The following CHD1 variants were observed in gnomAD, a reference collection of about 807,000 sequenced individuals.
CHD1 encodes the protein chromodomain helicase DNA binding protein 1.
Under a neutral mutation model 224.2 loss-of-function variants are expected in CHD1, and 36 were observed. That is an observed-to-expected ratio of 0.16 (90% CI 0.12 to 0.21). The LOEUF (loss-of-function observed/expected upper bound fraction) is 0.21, where lower values mean the gene tolerates loss of function less well. CHD1 is among the 10% of genes least tolerant of loss of function. CHD1 has a pLI of 1.00. For synonymous variants in CHD1, 668 were observed against 658.3 expected (o/e 1.01, Z -0.23); for missense variants, 1,378 against 1,994.8 (o/e 0.69, Z 5.89).
intron 13 of CHD1, 66 bp downstream of exon 13, chr5:98,894,531 C>T: frequency 1.8e-6 from 1 of 542,162 alleles, no homozygotes; most frequent in Non-Finnish European, 3.3e-6. Flanking sequence ...TCATCTTGTC[C>T]ACAGCATATG....
In CHD1 at chr5:98,883,134, T is replaced by TC; in HGVS notation, c.2671dup (p.Asp891GlyfsTer7). On this transcript the variant is annotated frameshift_variant, in exon 19 of 36. Transcript: ENST00000614616. LOFTEE classifies it high-confidence loss of function. ...ATGGGCTCTAGCCTGTGCCTGAAGA[T>TC]CATTCTGTGGATTCCAATCGGAATC... The TC allele has an allele frequency of 6.2e-7, 1 of 1,601,960 alleles. No homozygotes were observed. The highest frequency in any genetic ancestry group is 8.5e-7 in the Non-Finnish European group (1 of 1,175,704).
At chr5:98,890,118 A>G (rs796236165) in intron 15 of CHD1, among the ~76,000 whole-genome samples, 29 of 152,314 alleles carry the variant, frequency 1.9e-4, no homozygotes, top group African/African-American at 5.5e-4. Context: ...CCTGGATGCA[A>G]TATTACCCAT....
Position 98,863,394 on chromosome 5 carries a change from A to G in CHD1, c.4427+14T>C. ...AATATAAATTTAACACTTCCTGAAA[A>G]GTGTATCACTTACTTTCTCCATTGC... On this transcript the variant is annotated intron_variant, in intron 32 of 35. Coordinates refer to ENST00000614616, the MANE Select transcript of CHD1 (RefSeq NM_001270.4). 6.9e-7 allele frequency: 1 copy of G among 1,443,088 alleles called. No homozygotes were observed. The highest frequency in any genetic ancestry group is 9.3e-7 in the Non-Finnish European group (1 of 1,079,562). 89.4% of individuals were successfully genotyped at this position (1,443,088 alleles called of 1,614,324 possible).
intron 23 of CHD1, among the ~76,000 whole-genome samples, chr5:98,878,153 T>C (rs1040187661): frequency 1.3e-5 from 2 of 152,210 alleles, no homozygotes; most frequent in African/African-American, 2.4e-5. Context: ...TCGGAGGACC[T>C]GCACCCACTC....
chr5:98,877,418 AGATT>A (rs1397277270), intron 23 of CHD1, among the ~76,000 whole-genome samples: 3 of 152,240 alleles, frequency 2.0e-5, no homozygotes, highest in African/African-American at 4.8e-5. Flanking sequence ...CTGGATGAAC[AGATT>A]GATTAGCTGT....
chr5:98,866,885 T>C (rs997947600), intron 31 of CHD1, among the ~76,000 whole-genome samples: 11 of 152,154 alleles, frequency 7.2e-5, no homozygotes, highest in African/African-American at 2.7e-4. Flanking sequence ...TTCTTCCTGG[T>C]TTTGCTCTGC....
chr5:98,876,327 A>T, intron 24 of CHD1, 71 bp downstream of exon 24: 1 of 1,457,194 alleles, frequency 6.9e-7, no homozygotes, highest in Non-Finnish European at 9.4e-7. Flanking sequence ...TTTGAAAATT[A>T]CGGCGTTTTT....
At chr5:98,869,642 A>G in intron 30 of CHD1, 112 bp downstream of exon 30, 2 of 1,145,894 alleles carry the variant, frequency 1.7e-6, no homozygotes, top group Non-Finnish European at 2.6e-6. Flanking sequence ...ACACACACAC[A>G]CACACACACA....
In CHD1 at chr5:98,871,942, A is replaced by G; in HGVS notation, c.3861+109T>C. On this transcript the variant is annotated intron_variant, in intron 28 of 35. Transcript: ENST00000614616. ...ACGCACCAAGGTCACACAACCAGCT[A>G]GTGCCTTGGTTTCCAGATTTCCATT... 4.3e-6 allele frequency: 4 copies of G among 924,168 alleles called. No individual in the cohort carries two copies. The South Asian group carries it at 7.8e-5, about 18-fold the overall frequency. The allele number at this position is 924,168 out of a possible 1,614,324, so 57.2% of individuals were successfully genotyped here.
At chr5:98,926,885 G>A (rs1167684152) in intron 1 of CHD1, among the ~76,000 whole-genome samples, 2 of 124,504 alleles carry the variant, frequency 1.6e-5, no homozygotes, top group African/African-American at 6.1e-5. Context: ...AGATAACGGA[G>A]TCTTATTAGA....
intron 17 of CHD1, chr5:98,886,194 A>G (rs552164516): frequency 2.0e-5 from 3 of 152,396 alleles, no homozygotes; most frequent in African/African-American, 7.2e-5. Context: ...CATCCAGTTA[A>G]TTCTGATGCA....
chr5:98,905,012 G>T lies in CHD1; in HGVS notation c.140C>A (p.Ser47Ter). ...GSSSDGSSSQ[S>*]GSSDSDSGSE... ...TCCGGAGTCAGAGTCACTGCTACCT[G>T]ACTGGCTACTGCTTCCATCACTACT... is the stretch of plus-strand genomic sequence containing the variant. The change falls in exon 3 of 36, where the codon TCA (serine) becomes TAA (stop). Residue 47 changes from serine to a stop codon, truncating the protein, a stop_gained. Transcript: ENST00000614616. LOFTEE classifies it high-confidence loss of function. 2 of 1,570,194 alleles carry T rather than the reference G, an allele frequency of 1.3e-6. No individual in the cohort carries two copies. The highest frequency in any genetic ancestry group is 1.8e-6 in the Non-Finnish European group (2 of 1,139,916).
chr5:98,859,254 G>A (rs904621648), intron 33 of CHD1, among the ~76,000 whole-genome samples: 3 of 152,136 alleles, frequency 2.0e-5, no homozygotes, highest in Non-Finnish European at 2.9e-5. Flanking sequence ...CAGAAAGGTT[G>A]CAAAAATACT....
rs1748626728 is a variant in CHD1, at chr5:98,863,400, T to A, written c.4427+8A>T. 6.8e-7 allele frequency: 1 copy of A among 1,479,886 alleles called. No homozygotes were observed. Among genetic ancestry groups the A allele is most frequent in the Non-Finnish European group, 9.1e-7 (1 of 1,101,624 alleles). The allele number at this position is 1,479,886 out of a possible 1,614,324, so 91.7% of individuals were successfully genotyped here. On this transcript the variant is annotated splice_region_variant and intron_variant, in intron 32 of 35. Coordinates refer to ENST00000614616, the MANE Select transcript of CHD1 (RefSeq NM_001270.4). ...AATTTAACACTTCCTGAAAAGTGTATCACTTACTTTCTCCATTGCTTAATT... is the reference window on the plus strand; with the variant it reads ...AATTTAACACTTCCTGAAAAGTGTAACACTTACTTTCTCCATTGCTTAATT...
chr5:98,918,634 G>A (rs1366551883), intron 2 of CHD1, among the ~76,000 whole-genome samples: 1 of 151,094 alleles, frequency 6.6e-6, no homozygotes, highest in Non-Finnish European at 1.5e-5. Flanking sequence ...TGGGCATGGT[G>A]ACGCGTGCCT....
At chr5:98,904,014 T>TA (rs1211085512) in intron 3 of CHD1, 106 bp from the exon 4 acceptor site, 1 of 658,982 alleles carries the variant, frequency 1.5e-6, no homozygotes, top group Non-Finnish European at 2.6e-6. Flanking sequence ...CTCAAAGTAA[T>TA]AAAGACTATA....
chr5:98,858,838 C>A (rs1748243316), intron 34 of CHD1, 126 bp downstream of exon 34: 3 of 530,796 alleles, frequency 5.7e-6, no homozygotes, highest in East Asian at 6.6e-5. Context: ...ACTGTATCTC[C>A]TTAATATAAA....
At chr5:98,887,111 T>C (rs1750700741) in intron 17 of CHD1, among the ~76,000 whole-genome samples, 1 of 152,150 alleles carries the variant, frequency 6.6e-6, no homozygotes, top group Admixed American at 6.5e-5. Context: ...TAAAAACCAC[T>C]GAATTGTATA....
chr5:98,869,610 G>T, intron 30 of CHD1, 144 bp downstream of exon 30: 1 of 767,754 alleles, frequency 1.3e-6, no homozygotes. Flanking sequence ...AAGTGCGTGC[G>T]CACGTGCGCG....
Sources: allele counts gnomAD v4.1 joint callset (sites outside exome capture counted in the v4.1 genomes callset), GRCh38; gene constraint gnomAD v4.1.1; transcripts MANE v1.5; gene names NCBI Gene and HGNC (gene_info 2026-07-23, HGNC 2026-07-21).